FGD6: variants seen among roughly 807,000 people sequenced by gnomAD.
FGD6 encodes FYVE, RhoGEF and PH domain containing 6.
In FGD6, 90 loss-of-function variants were observed where a neutral mutation model predicts 149.4. The observed-to-expected ratio is 0.60, with a 90% CI of 0.51 to 0.72. FGD6 has a LOEUF of 0.72. Ranked by LOEUF, FGD6 falls within the 30% of genes least tolerant of loss-of-function variation. The probability of loss-of-function intolerance (pLI) is 0.00; values close to 1 mark genes in which losing one functional copy is unlikely to be tolerated. For missense variants in FGD6, 1,437 were observed against 1,684.8 expected (o/e 0.85, Z 2.57); for synonymous variants, 527 against 584.0 (o/e 0.90, Z 1.41).
At position 95,210,304 on chromosome 12, in the gene FGD6, C is replaced by T. The variant is rs748028147; in HGVS notation, c.980G>A (p.Arg327His). The change falls in exon 2 of 21, where the codon CGC (arginine) becomes CAC (histidine). Residue 327 changes from arginine (R) to histidine (H), a missense_variant. Physicochemically the swap from Arg to His is conservative, Grantham distance 29 (BLOSUM62 0). Transcript: ENST00000343958. ...ACTAGGAGTATCTACACACTTTTGG[C>T]GTAACAGACGAGCAGTTCGTGTCTT... ...PRKTRTARLLRQKCVDTPSES... is the reference protein window; with the variant it reads ...PRKTRTARLLHQKCVDTPSES... 6.2e-6 allele frequency: 10 copies of T among 1,614,004 alleles called. No homozygotes were observed. The Admixed American group carries it at 8.3e-5, about 13-fold the overall frequency.
At chr12:95,089,453 T>A in intron 18 of FGD6, 116 bp downstream of exon 18, 1 of 1,314,798 alleles carries the variant, frequency 7.6e-7, no homozygotes, top group Admixed American at 2.3e-5. Context: ...GTATTAAAAT[T>A]CATGACTTAA....
At chr12:95,113,928 G>A (rs367768641) in intron 8 of FGD6, among the ~76,000 whole-genome samples, 3 of 152,184 alleles carry the variant, frequency 2.0e-5, no homozygotes, top group African/African-American at 4.8e-5. Context: ...TTATTTTAGA[G>A]ATGAGGAATC....
intron 8 of FGD6, among the ~76,000 whole-genome samples, chr12:95,115,955 C>T (rs957536821): frequency 2.0e-5 from 3 of 152,134 alleles, no homozygotes; most frequent in East Asian, 1.9e-4. Context: ...AGCTTCCCTG[C>T]GCCATGGCAT....
chr12:95,166,913 G>C (rs1880836599), intron 3 of FGD6, among the ~76,000 whole-genome samples: 1 of 141,726 alleles, frequency 7.1e-6, no homozygotes, highest in African/African-American at 2.6e-5. Context: ...ATGGAGTACA[G>C]TGGCATGACC....
At chr12:95,216,669 C>CAAAA (rs143881424) in intron 1 of FGD6, among the ~76,000 whole-genome samples, 59 of 88,712 alleles carry the variant, frequency 6.7e-4, no homozygotes, top group South Asian at 1.4e-3. Flanking sequence ...TGCAGACAAG[C>CAAAA]AAAAAAAAAA....
chr12:95,133,061 A>G (rs1457356274), intron 8 of FGD6, among the ~76,000 whole-genome samples: 4 of 152,188 alleles, frequency 2.6e-5, no homozygotes, highest in Non-Finnish European at 5.9e-5. Context: ...GGATATCCTT[A>G]AATTATTCAG....
chr12:95,117,923 C>A (rs1010976631), intron 8 of FGD6, among the ~76,000 whole-genome samples: 1 of 152,266 alleles, frequency 6.6e-6, no homozygotes, highest in South Asian at 2.1e-4. Flanking sequence ...TGCCTGTAAT[C>A]CCAGCTACTC....
chr12:95,089,563 A>G lies in FGD6; in HGVS notation c.3978+6T>C. 6.2e-7 allele frequency: 1 copy of G among 1,613,070 alleles called. No homozygotes were observed. The highest frequency in any genetic ancestry group is 1.1e-5 in the South Asian group (1 of 90,898). On this transcript the variant is annotated splice_donor_region_variant and intron_variant, in intron 18 of 20. Coordinates refer to ENST00000343958, the MANE Select transcript of FGD6 (RefSeq NM_018351.4). ...ATCACATTGCAAATTTAATGGAAAC[A>G]CTTACTTCTTTGAGAGCAGCTGGGA... is the stretch of plus-strand genomic sequence containing the variant.
intron 8 of FGD6, among the ~76,000 whole-genome samples, chr12:95,127,380 C>T (rs1341800020): frequency 6.6e-6 from 1 of 151,988 alleles, no homozygotes; most frequent in Non-Finnish European, 1.5e-5. Context: ...CCCGTCTCTA[C>T]TAAAAATACA....
intron 5 of FGD6, among the ~76,000 whole-genome samples, chr12:95,146,069 G>C (rs1488390530): frequency 6.6e-6 from 1 of 152,090 alleles, no homozygotes; most frequent in African/African-American, 2.4e-5. Context: ...TCCCAATTTT[G>C]GCCTCCATAA....
chr12:95,108,333 A>G lies in FGD6; in HGVS notation c.3264+15T>C, dbSNP rs1565897897. ...CATCGTATTAAGTTTGCGAAAAGCA[A>G]TGTAAAATGCTTACCCGACCAGGCT... On this transcript the variant is annotated intron_variant, in intron 11 of 20. Coordinates refer to ENST00000343958, the MANE Select transcript of FGD6 (RefSeq NM_018351.4). The G allele has an allele frequency of 1.9e-6, 3 of 1,611,298 alleles. No homozygotes were observed. Among genetic ancestry groups the G allele is most frequent in the East Asian group, 2.2e-5 (1 of 44,860 alleles).
intron 2 of FGD6, among the ~76,000 whole-genome samples, chr12:95,195,168 T>C (rs1298427855): frequency 1.3e-5 from 2 of 152,160 alleles, no homozygotes; most frequent in Non-Finnish European, 2.9e-5. Flanking sequence ...TGAAATAAAA[T>C]CTAACAATCC....
At chr12:95,167,188 G>C (rs1203555898) in intron 3 of FGD6, among the ~76,000 whole-genome samples, 1 of 152,056 alleles carries the variant, frequency 6.6e-6, no homozygotes, top group Non-Finnish European at 1.5e-5. Flanking sequence ...GAATAATGCT[G>C]TTATGAACAT....
intron 2 of FGD6, among the ~76,000 whole-genome samples, chr12:95,204,710 GCA>G (rs60459798): frequency 2.0e-5 from 3 of 151,038 alleles, no homozygotes; most frequent in Non-Finnish European, 4.4e-5. Context: ...GCATGCACGC[GCA>G]CACACACACA....
Position 95,209,218 on chromosome 12 carries a change from T to C in FGD6, c.2066A>G (p.Lys689Arg), listed in dbSNP as rs1421504719. ...VGEEKRSKPI[K>R]AYSTENYSLE... ...GCTATAGTTTTCTGTGGAATATGCCTTGATGGGTTTACTTCTCTTCTCCTC... is the reference window on the plus strand; with the variant it reads ...GCTATAGTTTTCTGTGGAATATGCCCTGATGGGTTTACTTCTCTTCTCCTC... The change falls in exon 2 of 21, where the codon AAG (lysine) becomes AGG (arginine). Residue 689 changes from lysine (K) to arginine (R), a missense_variant. Lys to Arg is a conservative substitution (Grantham distance 26, BLOSUM62 2). This residue lies in a region of FGD6 where 1,055 missense variants were observed against 1,146.0 expected (regional missense o/e 0.92). Coordinates refer to ENST00000343958, the MANE Select transcript of FGD6 (RefSeq NM_018351.4). 6.2e-7 allele frequency: 1 copy of C among 1,614,130 alleles called. No homozygotes were observed.
At chr12:95,165,563 C>T (rs917658637) in intron 3 of FGD6, among the ~76,000 whole-genome samples, 5 of 151,444 alleles carry the variant, frequency 3.3e-5, no homozygotes, top group African/African-American at 1.2e-4. Flanking sequence ...GTCTCGAACT[C>T]CCGACCTCAG....
rs1378842434 is a variant in FGD6, at chr12:95,210,599, G to A, written c.685C>T (p.Pro229Ser). The change falls in exon 2 of 21, where the codon CCA (proline) becomes TCA (serine). Residue 229 changes from proline to serine, a missense_variant. By Grantham distance (74) the Pro-to-Ser change is moderately conservative (BLOSUM62 -1). Transcript: ENST00000343958. ...TCAGGAACTTTTTCAAAGCTGGATG[G>A]GGAAGGTGACAAATCCGCAAATTCA... ...RIEFADLSPS[P>S]SSFEKVPDHH... The A allele has an allele frequency of 6.2e-7, 1 of 1,614,168 alleles. No individual in the cohort carries two copies. Among genetic ancestry groups the A allele is most frequent in the South Asian group, 1.1e-5 (1 of 91,076 alleles).
rs756470833 is a variant in FGD6 at position 95,092,820 on chromosome 12, ACTT to A, written c.3623_3625del (p.Glu1208del). On this transcript the variant is annotated inframe_deletion, in exon 16 of 21. Transcript: ENST00000343958. ...GGGAGCCTTCGATCCAAGAGGACTAACTTCTTCTTTATTTTCTGAGTCTGCCTG... is the reference window on the plus strand; with the variant it reads ...GGGAGCCTTCGATCCAAGAGGACTAACTTCTTTATTTTCTGAGTCTGCCTG... The A allele has an allele frequency of 1.0e-4, 161 of 1,613,364 alleles. No homozygotes were observed. The highest frequency in any genetic ancestry group is 6.5e-4 in the South Asian group (59 of 90,822).
At chr12:95,204,833 T>C (rs1486938488) in intron 2 of FGD6, among the ~76,000 whole-genome samples, 1 of 152,198 alleles carries the variant, frequency 6.6e-6, no homozygotes, top group Non-Finnish European at 1.5e-5. Context: ...AACTGAGGAC[T>C]TCACCACCAT....
Sources: allele counts gnomAD v4.1 joint callset (sites outside exome capture counted in the v4.1 genomes callset), GRCh38; gene constraint gnomAD v4.1.1; regional missense constraint gnomAD v4.1.1; transcripts MANE v1.5; gene names NCBI Gene and HGNC (gene_info 2026-07-23, HGNC 2026-07-21).